Variants in SCFD2 observed in about 807,000 individuals in gnomAD.
SCFD2 encodes sec1 family domain containing 2.
Under a neutral mutation model 58.9 loss-of-function variants are expected in SCFD2, and 54 were observed. The observed-to-expected ratio is 0.92, with a 90% CI of 0.74 to 1.15. The LOEUF is 1.15. SCFD2 is among the 50% of genes most tolerant of loss of function. The pLI is 0.00. For missense variants in SCFD2, 805 were observed against 836.6 expected (o/e 0.96, Z 0.47); for synonymous variants, 321 against 335.9 (o/e 0.96, Z 0.49).
intron 3 of SCFD2, among the ~76,000 whole-genome samples, chr4:53,274,559 G>A (rs1417471834): frequency 6.6e-6 from 1 of 152,206 alleles, no homozygotes; most frequent in Non-Finnish European, 1.5e-5. Context: ...CACTGGAAGA[G>A]GAGGTATCAG....
chr4:53,086,879 C>G (rs1724321678), intron 5 of SCFD2, among the ~76,000 whole-genome samples: 1 of 151,942 alleles, frequency 6.6e-6, no homozygotes, highest in African/African-American at 2.4e-5. Flanking sequence ...TTATCAGAGG[C>G]TGGGAAGGGC....
intron 4 of SCFD2, among the ~76,000 whole-genome samples, chr4:53,240,563 C>CA (rs1355489155): frequency 6.6e-6 from 1 of 152,152 alleles, no homozygotes; most frequent in African/African-American, 2.4e-5. Context: ...TACAAATGAC[C>CA]AAAGGGGCAA....
chr4:53,183,995 C>G (rs1310421632), intron 4 of SCFD2, among the ~76,000 whole-genome samples: 1 of 152,096 alleles, frequency 6.6e-6, no homozygotes, highest in Non-Finnish European at 1.5e-5. Context: ...TCAGCATTGC[C>G]TAATACAACA....
At chr4:53,157,279 A>G (rs1726718662) in intron 4 of SCFD2, among the ~76,000 whole-genome samples, 1 of 152,256 alleles carries the variant, frequency 6.6e-6, no homozygotes, top group Admixed American at 6.5e-5. Flanking sequence ...CATCCAAAAT[A>G]CAAGGTAGAC....
chr4:53,191,013 G>A (rs1727875698), intron 4 of SCFD2, among the ~76,000 whole-genome samples: 2 of 152,102 alleles, frequency 1.3e-5, no homozygotes, highest in Non-Finnish European at 2.9e-5. Flanking sequence ...AAAGTATAAG[G>A]GTTGCATTTA....
chr4:53,003,238 G>A lies in SCFD2; in HGVS notation c.1562-82368C>T, dbSNP rs193207291. Among the ~76,000 whole-genome samples the A allele has an allele frequency of 3.9e-5, 6 of 152,292 alleles. No individual in the cohort carries two copies. In the South Asian group the frequency reaches 8.3e-4, roughly 21 times the overall value. Reference sequence around the variant, plus strand: ...TCATTCATGCCATATGGCAGGCACTGTTCTTGGCCCTGGGAGTAGAGTGAT... The same window carrying A: ...TCATTCATGCCATATGGCAGGCACTATTCTTGGCCCTGGGAGTAGAGTGAT... On this transcript the variant is annotated intron_variant, in intron 5 of 8. Transcript: ENST00000401642.
intron 4 of SCFD2, among the ~76,000 whole-genome samples, chr4:53,215,778 G>C (rs1486465285): frequency 2.0e-5 from 3 of 152,048 alleles, no homozygotes; most frequent in Non-Finnish European, 4.4e-5. Flanking sequence ...TATTGGCTGT[G>C]GGTTTGTCAT....
At chr4:53,034,070 T>A (rs1447902752) in intron 5 of SCFD2, among the ~76,000 whole-genome samples, 2 of 152,160 alleles carry the variant, frequency 1.3e-5, no homozygotes, top group African/African-American at 2.4e-5. Context: ...CTCAATAAAA[T>A]ACTGGCAAAC....
chr4:53,345,687 G>A (rs1291452229), intron 2 of SCFD2, among the ~76,000 whole-genome samples: 1 of 151,930 alleles, frequency 6.6e-6, no homozygotes, highest in Non-Finnish European at 1.5e-5. Flanking sequence ...GCAAAGACTT[G>A]GAACCGACCT....
chr4:52,958,751 C>G (rs1259672632), intron 5 of SCFD2, among the ~76,000 whole-genome samples: 1 of 152,162 alleles, frequency 6.6e-6, no homozygotes, highest in Non-Finnish European at 1.5e-5. Context: ...TACACCTCTC[C>G]TGTTCCCCAG....
intron 3 of SCFD2, among the ~76,000 whole-genome samples, chr4:53,312,142 A>T (rs987252158): frequency 2.6e-5 from 4 of 152,226 alleles, no homozygotes; most frequent in African/African-American, 4.8e-5. Context: ...AGTGCAGCAA[A>T]TTTGAGACCC....
At chr4:53,225,694 C>T (rs1056874009) in intron 4 of SCFD2, among the ~76,000 whole-genome samples, 2 of 152,194 alleles carry the variant, frequency 1.3e-5, no homozygotes, top group African/African-American at 4.8e-5. Context: ...TTATGATTAT[C>T]CCCTCTAGTT....
intron 5 of SCFD2, among the ~76,000 whole-genome samples, chr4:53,140,312 C>T (rs1269831083): frequency 1.4e-5 from 2 of 146,344 alleles, no homozygotes; most frequent in Non-Finnish European, 3.0e-5. Context: ...AACTTTTACA[C>T]TTTGATCTTT....
At position 53,015,195 on chromosome 4, in the gene SCFD2, C is replaced by CA. The variant is rs199756089; in HGVS notation, c.1562-94326dup. Among the ~76,000 whole-genome samples, 1,119 of 152,078 alleles carry CA rather than the reference C, an allele frequency of 7.4e-3. 8 individuals are homozygous for CA. Among genetic ancestry groups the CA allele is most frequent in the African/African-American group, 0.026 (1,062 of 41,496 alleles). On this transcript the variant is annotated intron_variant, in intron 5 of 8. Transcript: ENST00000401642. ...TAAGGTAATTTTAACAGAGTAAATA[C>CA]AAAAAAACACAGTAATAAAGACTAA... is the stretch of plus-strand genomic sequence containing the variant.
chr4:53,357,316 C>A (rs1734428925), intron 1 of SCFD2, among the ~76,000 whole-genome samples: 1 of 151,966 alleles, frequency 6.6e-6, no homozygotes, highest in Non-Finnish European at 1.5e-5. Flanking sequence ...ATAATCCCAG[C>A]CACTCAGGAG....
rs372156331 is a variant in SCFD2 at position 53,293,031 on chromosome 4, C to G, written c.1136-19030G>C. On this transcript the variant is annotated intron_variant, in intron 3 of 8. Coordinates refer to ENST00000401642, the MANE Select transcript of SCFD2 (RefSeq NM_152540.4). ...TGCACATGTATCCCAGAACTTAAAG[C>G]AAAATAAAAAATAAGAATATATATA... Among the ~76,000 whole-genome samples the G allele has an allele frequency of 5.3e-4, 79 of 148,390 alleles. No individual in the cohort carries two copies. The South Asian group carries it at 0.016, about 30-fold the overall frequency.
chr4:53,168,174 C>T (rs1727065262), intron 4 of SCFD2, among the ~76,000 whole-genome samples: 1 of 152,214 alleles, frequency 6.6e-6, no homozygotes, highest in Non-Finnish European at 1.5e-5. Context: ...CTACTGGCTT[C>T]CTTGCAGGAA....
intron 4 of SCFD2, among the ~76,000 whole-genome samples, chr4:53,163,835 G>C (rs1336694117): frequency 6.6e-6 from 1 of 152,126 alleles, no homozygotes; most frequent in Non-Finnish European, 1.5e-5. Context: ...GGCAGAATTT[G>C]GCATTGGAAG....
chr4:52,876,282 C>A (rs932278923), intron 8 of SCFD2, among the ~76,000 whole-genome samples: 2 of 152,184 alleles, frequency 1.3e-5, no homozygotes, highest in African/African-American at 4.8e-5. Context: ...AAGTGCTCAG[C>A]AACTGTGAGC....
Sources: allele counts gnomAD v4.1 joint callset (sites outside exome capture counted in the v4.1 genomes callset), GRCh38; gene constraint gnomAD v4.1.1; transcripts MANE v1.5; gene names NCBI Gene and HGNC (gene_info 2026-07-23, HGNC 2026-07-21).